Variants in BRAF observed in about 807,000 individuals in gnomAD.
The protein encoded by BRAF is serine/threonine-protein kinase B-raf.
BRAF carries 16 observed loss-of-function variants against 104.6 expected under a neutral mutation model. The observed-to-expected ratio is 0.15, with a 90% CI of 0.10 to 0.23. The LOEUF is 0.23. BRAF is among the 10% of genes least tolerant of loss of function. BRAF has a pLI of 1.00. For synonymous variants in BRAF, 310 were observed against 341.6 expected (o/e 0.91, Z 1.02); for missense variants, 541 against 937.3 (o/e 0.58, Z 5.52).
intron 1 of BRAF, among the ~76,000 whole-genome samples, chr7:140,897,109 C>G (rs1815011048): frequency 6.7e-6 from 1 of 149,156 alleles, no homozygotes; most frequent in African/African-American, 2.5e-5. Flanking sequence ...CATTGACAAT[C>G]TAATTCTTCT....
chr7:140,795,862 C>T (rs1376695413), intron 7 of BRAF, among the ~76,000 whole-genome samples: 2 of 151,932 alleles, frequency 1.3e-5, no homozygotes, highest in Non-Finnish European at 2.9e-5. Context: ...CCATCTAGGT[C>T]CTTTTTATTT....
At chr7:140,780,124 CCTTA>C (rs1170762341) in intron 12 of BRAF, among the ~76,000 whole-genome samples, 1 of 151,816 alleles carries the variant, frequency 6.6e-6, no homozygotes, top group African/African-American at 2.4e-5. Context: ...AAAAAAATTC[CCTTA>C]ATTATGTCAC....
intron 1 of BRAF, among the ~76,000 whole-genome samples, chr7:140,908,949 T>C (rs2129137584): frequency 7.4e-6 from 1 of 135,164 alleles, no homozygotes; most frequent in African/African-American, 2.5e-5. Context: ...GCCTGGCAGC[T>C]CCCCACTATC....
chr7:140,911,817 T>G (rs1359884711), intron 1 of BRAF, among the ~76,000 whole-genome samples: 2 of 152,222 alleles, frequency 1.3e-5, no homozygotes, highest in Non-Finnish European at 2.9e-5. Context: ...CATGGCAGGA[T>G]AGTGGCAGGT....
intron 8 of BRAF, among the ~76,000 whole-genome samples, chr7:140,791,888 A>G (rs535449945): frequency 6.6e-6 from 1 of 152,336 alleles, no homozygotes; most frequent in East Asian, 1.9e-4. Flanking sequence ...GTAAGAGAGA[A>G]AGGCCAGGTT....
rs1205256843 is a variant in BRAF, at chr7:140,909,095, C to T, written c.138+15471G>A. On this transcript the variant is annotated intron_variant, in intron 1 of 19. Transcript: ENST00000644969. ...AACAGAAATCAATTTCTCCTTTTTA[C>T]AACAACTATTTTGTACATTCTCTAT... Among the ~76,000 whole-genome samples the T allele has an allele frequency of 5.3e-5, 8 of 150,534 alleles. No individual in the cohort carries two copies. In the Admixed American group the frequency reaches 5.3e-4, roughly 10 times the overall value.
At chr7:140,738,247 T>C (rs1796605340) in intron 18 of BRAF, among the ~76,000 whole-genome samples, 1 of 152,254 alleles carries the variant, frequency 6.6e-6, no homozygotes, top group South Asian at 2.1e-4. Flanking sequence ...TTTCTTTTCT[T>C]AGGCAACACC....
intron 2 of BRAF, among the ~76,000 whole-genome samples, chr7:140,846,459 G>A (rs570219640): frequency 6.6e-6 from 1 of 152,278 alleles, no homozygotes; most frequent in East Asian, 1.9e-4. Flanking sequence ...AGTTCCTAGA[G>A]TAGTCCAATT....
chr7:140,716,429 AGTT>A (rs199983721), downstream of BRAF, among the ~76,000 whole-genome samples: 1,995 of 152,238 alleles, frequency 0.013, 20 homozygotes, highest in Non-Finnish European at 0.019. Flanking sequence ...AAATTGAATC[AGTT>A]GTTATTTCTA....
intron 3 of BRAF, among the ~76,000 whole-genome samples, chr7:140,820,526 T>C (rs1263781659): frequency 1.3e-5 from 2 of 152,190 alleles, no homozygotes; most frequent in Non-Finnish European, 2.9e-5. Flanking sequence ...ACAGACACCT[T>C]GGCATTATGT....
intron 1 of BRAF, among the ~76,000 whole-genome samples, chr7:140,879,208 G>T (rs1812598188): frequency 6.6e-6 from 1 of 151,440 alleles, no homozygotes; most frequent in African/African-American, 2.4e-5. Context: ...TTTGAGATAG[G>T]GTTTTGCTCT....
At chr7:140,907,158 G>T (rs893489213) in intron 1 of BRAF, among the ~76,000 whole-genome samples, 9 of 152,166 alleles carry the variant, frequency 5.9e-5, no homozygotes, top group African/African-American at 2.2e-4. Flanking sequence ...CCCAGGCAAT[G>T]AACTCTTTCT....
chr7:140,921,666 A>G (rs1036276346), intron 1 of BRAF, among the ~76,000 whole-genome samples: 1 of 152,094 alleles, frequency 6.6e-6, no homozygotes, highest in African/African-American at 2.4e-5. Context: ...TATAGTAATA[A>G]TATCTTAGTG....
intron 3 of BRAF, among the ~76,000 whole-genome samples, chr7:140,820,210 T>C (rs1025985155): frequency 6.6e-6 from 1 of 152,228 alleles, no homozygotes; most frequent in African/African-American, 2.4e-5. Context: ...AAAAATCTGT[T>C]AACATTCCAT....
chr7:140,796,949 T>C (rs1220953690), intron 7 of BRAF, among the ~76,000 whole-genome samples: 1 of 152,222 alleles, frequency 6.6e-6, no homozygotes, highest in Non-Finnish European at 1.5e-5. Flanking sequence ...TTCAATTTTT[T>C]TTCTGATTTC....
chr7:140,847,356 G>A (rs11979399), intron 2 of BRAF, among the ~76,000 whole-genome samples: 4,216 of 152,240 alleles, frequency 0.028, 202 homozygotes, highest in African/African-American at 0.094. Context: ...GCCAAGGGGG[G>A]CAGATCACCT....
In BRAF at chr7:140,924,032, A is replaced by T. The variant is rs777788932; in HGVS notation, c.138+534T>A. 1.3e-5 allele frequency among the ~76,000 whole-genome samples: 2 copies of T among 152,144 alleles called. No individual in the cohort carries two copies. The highest frequency in any genetic ancestry group is 2.4e-5 in the African/African-American group (1 of 41,442). ...TGCTGGGTAAAACAGGTGAAGAGAAATCCCCAAATAGAAAAGTGAAAAAGG... is the reference window on the plus strand; with the variant it reads ...TGCTGGGTAAAACAGGTGAAGAGAATTCCCCAAATAGAAAAGTGAAAAAGG... On this transcript the variant is annotated intron_variant, in intron 1 of 19. Transcript: ENST00000644969. The surrounding 1 kb of genome is among the most constrained non-coding windows in gnomAD (Gnocchi z 4.2).
At chr7:140,832,578 T>A (rs1369877943) in intron 3 of BRAF, among the ~76,000 whole-genome samples, 2 of 152,192 alleles carry the variant, frequency 1.3e-5, no homozygotes, top group African/African-American at 4.8e-5. Flanking sequence ...CACAAACCCA[T>A]TTACTGATGA....
chr7:140,782,857 G>A (rs899057340), intron 11 of BRAF, among the ~76,000 whole-genome samples, 164 bp downstream of exon 10: 3 of 152,072 alleles, frequency 2.0e-5, no homozygotes, highest in African/African-American at 7.2e-5. Flanking sequence ...AAGCAGTGCC[G>A]TAGAAATATG....
Sources: gnomAD v4.1 joint callset for allele counts (sites outside exome capture counted in the v4.1 genomes callset) on GRCh38, gnomAD v4.1.1 for gene constraint, Gnocchi (gnomAD v3.1) non-coding constraint, MANE v1.5 for transcripts, NCBI Gene and HGNC (gene_info 2026-07-23, HGNC 2026-07-21) for gene names.